Variants in PGBD2 observed in about 807,000 individuals in gnomAD.
PGBD2 encodes the protein piggyBac transposable element-derived protein 2.
A neutral mutation model predicts 8.1 loss-of-function variants in PGBD2; 6 were observed. The ratio of observed to expected loss-of-function variants is 0.74; its 90% CI spans 0.40 to 1.46. The LOEUF is 1.46. PGBD2 is among the 40% of genes most tolerant of loss of function. The pLI is 0.02. For missense variants in PGBD2, 802 were observed against 739.0 expected (o/e 1.09, Z -0.99); for synonymous variants, 318 against 272.2 (o/e 1.17, Z -1.66).
the PGBD2 span, among the ~76,000 whole-genome samples, chr1:248,894,518 A>G: frequency 3.9e-5 from 6 of 152,170 alleles, no homozygotes; most frequent in Admixed American, 6.5e-5. Context: ...TGAAGAGACT[A>G]TCATTTTCCT....
chr1:248,928,908 C>T, the PGBD2 span, among the ~76,000 whole-genome samples: 1 of 152,200 alleles, frequency 6.6e-6, no homozygotes, highest in Non-Finnish European at 1.5e-5. Flanking sequence ...CAGACGCATT[C>T]CTGAAGGAAC....
At chr1:248,874,378 A>G in the PGBD2 span, among the ~76,000 whole-genome samples, 5 of 152,312 alleles carry the variant, frequency 3.3e-5, no homozygotes, top group South Asian at 2.1e-4. Flanking sequence ...TCCCAGAGTC[A>G]GCTATGACTT....
the PGBD2 span, among the ~76,000 whole-genome samples, chr1:248,890,075 G>GCC: frequency 1.3e-5 from 2 of 151,854 alleles, no homozygotes; most frequent in African/African-American, 4.8e-5. Context: ...TTACAGGCAT[G>GCC]CGCCACCACG....
At chr1:248,911,669 G>A (rs1443270115) in intron 1 of PGBD2, among the ~76,000 whole-genome samples, 1 of 148,998 alleles carries the variant, frequency 6.7e-6, no homozygotes, top group East Asian at 1.9e-4. Context: ...CGGGCAGAGG[G>A]GCTCCTCACT....
intron 1 of PGBD2, among the ~76,000 whole-genome samples, chr1:248,910,919 T>G (rs1661848656): frequency 6.6e-6 from 1 of 152,142 alleles, no homozygotes; most frequent in African/African-American, 2.4e-5. Flanking sequence ...TGTAATTTGA[T>G]GAGTTTCGGC....
In PGBD2 at chr1:248,917,586, T is replaced by C; in HGVS notation, c.1002T>C (p.Phe334=). The C allele has an allele frequency of 6.2e-7, 1 of 1,614,178 alleles. No homozygotes were observed. The highest frequency in any genetic ancestry group is 8.5e-7 in the Non-Finnish European group (1 of 1,180,026). Reference sequence around the variant, plus strand: ...TAGGAGGCAGTATGGTAATAAAATTTGTGGATGCGCTTCAGGAGCGTGGTT... The same window carrying C: ...TAGGAGGCAGTATGGTAATAAAATTCGTGGATGCGCTTCAGGAGCGTGGTT... ...LDLGGSMVIK[F]VDALQERGFL... is the part of the protein sequence containing the mutation. The change falls in exon 3 of 3, where the codon TTT becomes TTC. Residue 334 remains phenylalanine (F), a synonymous_variant. Transcript: ENST00000329291.
upstream of PGBD2, among the ~76,000 whole-genome samples, chr1:248,904,350 A>G (rs2103098407): frequency 6.6e-6 from 1 of 152,258 alleles, no homozygotes; most frequent in East Asian, 1.9e-4. Flanking sequence ...ATTGTTTTCA[A>G]AGATTTGACT....
chr1:248,913,931 C>G (rs1296613754), intron 2 of PGBD2, 52 bp downstream of exon 2: 4 of 1,495,474 alleles, frequency 2.7e-6, no homozygotes, highest in Non-Finnish European at 3.7e-6. Flanking sequence ...TTCCCCTATG[C>G]TTTTGAAAGG....
chr1:248,927,479 T>C, the PGBD2 span, among the ~76,000 whole-genome samples: 3 of 152,334 alleles, frequency 2.0e-5, no homozygotes, highest in East Asian at 5.8e-4. Context: ...GCAAATATTT[T>C]CTGCAAAGGG....
At chr1:248,910,275 A>G (rs1287622827) in intron 1 of PGBD2, among the ~76,000 whole-genome samples, 1 of 152,256 alleles carries the variant, frequency 6.6e-6, no homozygotes, top group Non-Finnish European at 1.5e-5. Context: ...TTTTGCTGCC[A>G]AAGAGTTTGT....
upstream of PGBD2, among the ~76,000 whole-genome samples, chr1:248,903,556 G>A (rs1408931529): frequency 6.6e-6 from 1 of 152,138 alleles, no homozygotes; most frequent in African/African-American, 2.4e-5. Context: ...CAATTCAATT[G>A]TCATCGGAAT....
At chr1:248,886,968 T>C in the PGBD2 span, among the ~76,000 whole-genome samples, 2 of 152,190 alleles carry the variant, frequency 1.3e-5, no homozygotes, top group African/African-American at 4.8e-5. Flanking sequence ...GGCTGCCCAT[T>C]ATGATATATA....
At chr1:248,925,503 C>T in the PGBD2 span, among the ~76,000 whole-genome samples, 1 of 151,506 alleles carries the variant, frequency 6.6e-6, no homozygotes, top group South Asian at 2.1e-4. Flanking sequence ...GAAGATTCAA[C>T]ATATTAATCA....
At chr1:248,920,899 G>A (rs1481361957), downstream of PGBD2, among the ~76,000 whole-genome samples, 1 of 152,032 alleles carries the variant, frequency 6.6e-6, no homozygotes, top group African/African-American at 2.4e-5. Flanking sequence ...GACCAGTGAT[G>A]ATGAACATTT....
Position 248,918,371 on chromosome 1 carries a change from A to C in PGBD2, c.*8A>C. 6.5e-7 allele frequency: 1 copy of C among 1,527,948 alleles called. No individual in the cohort carries two copies. Among genetic ancestry groups the C allele is most frequent in the Non-Finnish European group, 8.8e-7 (1 of 1,139,346 alleles). 94.6% of individuals were successfully genotyped at this position (1,527,948 alleles called of 1,614,324 possible). A position where few individuals can be genotyped will look rare whatever the true frequency, so the allele number is the denominator to read the frequency against. ...GAGTACCACATCCGGTGACATCATG[A>C]GACATGCTTCTTTGGTTTATAATGA... On this transcript the variant is annotated 3_prime_UTR_variant, in exon 3 of 3. Transcript: ENST00000329291.
chr1:248,917,524 G>A lies in PGBD2; in HGVS notation c.940G>A (p.Gly314Ser), dbSNP rs778502900. The part of the protein sequence containing the change: ...GYLVWFEPSQ[G>S]TLFTKPDRSL... Reference sequence around the variant, plus strand: ...CTTGGTGTGGTTTGAGCCCTCACAGGGCACACTGTTTACCAAGCCAGACAG... The same window carrying A: ...CTTGGTGTGGTTTGAGCCCTCACAGAGCACACTGTTTACCAAGCCAGACAG... Residue 314 changes from glycine to serine, a missense_variant, in exon 3 of 3, where the codon GGC becomes AGC. Transcript: ENST00000329291. 4 of 1,614,172 alleles carry A rather than the reference G, an allele frequency of 2.5e-6. No individual in the cohort carries two copies. Among genetic ancestry groups the A allele is most frequent in the Admixed American group, 1.7e-5 (1 of 60,030 alleles).
rs768028178 is a variant in PGBD2 at position 248,916,728 on chromosome 1, C to T, written c.144C>T (p.Asp48=). Residue 48 remains aspartate (D), a synonymous_variant, in exon 3 of 3, where the codon GAC becomes GAT. Transcript: ENST00000329291. ...AAGAGATTTTCATTGCACCTCCCGACAATGCTGCGGGGGAATTCACTGATG... is the reference window on the plus strand; with the variant it reads ...AAGAGATTTTCATTGCACCTCCCGATAATGCTGCGGGGGAATTCACTGATG... ...NREEIFIAPP[D]NAAGEFTDED... is the part of the protein sequence containing the mutation. The T allele has an allele frequency of 5.6e-6, 9 of 1,614,034 alleles. No homozygotes were observed.
chr1:248,884,274 C>T, the PGBD2 span, among the ~76,000 whole-genome samples: 1 of 151,886 alleles, frequency 6.6e-6, no homozygotes, highest in Non-Finnish European at 1.5e-5. Context: ...TTCAGCCCAA[C>T]GAAACCAGTC....
At chr1:248,900,323 C>T in the PGBD2 span, among the ~76,000 whole-genome samples, 1 of 152,092 alleles carries the variant, frequency 6.6e-6, no homozygotes, top group African/African-American at 2.4e-5. Flanking sequence ...CCCTGATGAA[C>T]ATCAATCCAA....
Sources: allele counts gnomAD v4.1 joint callset (sites outside exome capture counted in the v4.1 genomes callset), GRCh38; gene constraint gnomAD v4.1.1; transcripts MANE v1.5; gene names NCBI Gene and HGNC (gene_info 2026-07-23, HGNC 2026-07-21).